ZNF207: variants seen among roughly 807,000 people sequenced by gnomAD.
The protein encoded by ZNF207 is zinc finger protein 207, also known as BUB3-interacting and GLEBS motif-containing protein ZNF207.
Under a neutral mutation model 60.2 loss-of-function variants are expected in ZNF207, and 24 were observed. The observed-to-expected ratio is 0.40, with a 90% confidence interval of 0.29 to 0.56. ZNF207 has a LOEUF of 0.56. Among genes scored for constraint, ZNF207 ranks in the 20% least tolerant of loss-of-function variants. The probability of loss-of-function intolerance (pLI) is 0.49; values close to 1 mark genes in which losing one functional copy is unlikely to be tolerated. For missense variants in ZNF207, 452 were observed against 636.6 expected, an observed-to-expected ratio of 0.71 and a Z score of 3.12; for synonymous variants, 236 against 194.7, an observed-to-expected ratio of 1.21 and a Z score of -1.77.
Position 32,360,674 on chromosome 17 carries a change from G to A in ZNF207, c.384G>A (p.Gln128=), listed in dbSNP as rs367844508. 1 of 1,613,910 alleles carries A rather than the reference G, an allele frequency of 6.2e-7. No individual in the cohort carries two copies. Among genetic ancestry groups the A allele is most frequent in the Non-Finnish European group, 8.5e-7 (1 of 1,180,002 alleles). The change falls in exon 4 of 12, where the codon CAG becomes CAA. Residue 128 remains glutamine (Q), a synonymous_variant. Transcript: ENST00000394670. The stretch of plus-strand genomic sequence containing the variant: ...ACTCTGCAGCCTCAACTTCATTTCA[G>A]CCACAGCCTGTTCAACCTCAGCAAG... ...DDDSAASTSF[Q]PQPVQPQQGY... is the part of the protein sequence containing the mutation.
Position 32,376,136 on chromosome 17 carries a change from A to C in ZNF207, c.*6377A>C, listed in dbSNP as rs554753600. On this transcript the variant is annotated 3_prime_UTR_variant, in exon 12 of 12. Transcript: ENST00000394670. ...TTAGTGCTGAGTTTTCTAAACTACT[A>C]TCTTAAGCTCTTAGGCACCCTATTA... The C allele has an allele frequency of 2.0e-5, 3 of 152,070 alleles. No homozygotes were observed. Among genetic ancestry groups the C allele is most frequent in the African/African-American group, 7.2e-5 (3 of 41,450 alleles). 9.4% of individuals were successfully genotyped at this position (152,070 alleles called of 1,614,324 possible). A position where few individuals can be genotyped will look rare whatever the true frequency, so the allele number is the denominator to read the frequency against.
rs747813729 is a variant in ZNF207 at position 32,369,631 on chromosome 17, G to A, written c.1357G>A (p.Gly453Arg). ...TGGTGGTCATCATCAAGGCATGCCA[G>A]GATACCTTCCTGGTGCTATGCCCCC... The part of the protein sequence containing the change: ...QYGGHHQGMP[G>R]YLPGAMPPYG... The change falls in exon 12 of 12, where the codon GGA becomes AGA. Residue 453 changes from glycine (G) to arginine (R), a missense_variant. Around this residue, in one of 2 missense-constraint regions of ZNF207, gnomAD observed 390 missense variants for 461.4 expected, o/e 0.85. Transcript: ENST00000394670. 1 of 1,574,510 alleles carries A rather than the reference G, an allele frequency of 6.4e-7. No individual in the cohort carries two copies. The highest frequency in any genetic ancestry group is 8.6e-7 in the Non-Finnish European group (1 of 1,160,128).
intron 6 of ZNF207, 96 bp from the exon 7 acceptor site, chr17:32,362,818 T>C: frequency 2.1e-6 from 2 of 952,416 alleles, no homozygotes; most frequent in Middle Eastern, 3.1e-4. Flanking sequence ...GATTCAAGTC[T>C]TCTATCTAGT....
At chr17:32,363,963 A>G (rs1386054565) in intron 7 of ZNF207, among the ~76,000 whole-genome samples, 2 of 151,818 alleles carry the variant, frequency 1.3e-5, no homozygotes, top group African/African-American at 4.8e-5. Context: ...TTTTCCTCAG[A>G]AATGTCATTT....
At chr17:32,367,512 A>G (rs1905258008) in intron 9 of ZNF207, among the ~76,000 whole-genome samples, 1 of 151,724 alleles carries the variant, frequency 6.6e-6, no homozygotes. Context: ...TTTGGTGAGG[A>G]GGTAGAAGAC....
chr17:32,351,204 G>A (rs1251486497), intron 1 of ZNF207: 2 of 170,224 alleles, frequency 1.2e-5, no homozygotes, highest in Non-Finnish European at 2.5e-5. Flanking sequence ...TTTTATTGAT[G>A]TAAGAATTCT....
intron 2 of ZNF207, among the ~76,000 whole-genome samples, chr17:32,356,992 G>A (rs1054327463): frequency 2.0e-5 from 3 of 152,006 alleles, no homozygotes; most frequent in South Asian, 2.1e-4. Flanking sequence ...GAGCAGCCTG[G>A]GGAACATAAC....
Position 32,380,494 on chromosome 17 carries a change from A to G in ZNF207, c.*10735A>G, listed in dbSNP as rs1383170263. ...AAATATCTTCAAGAAGGATTATTTC[A>G]GTGTCCCTTTTTAAAACTCGATGAT... On this transcript the variant is annotated 3_prime_UTR_variant, in exon 12 of 12. Transcript: ENST00000394670. The G allele has an allele frequency of 6.6e-6, 1 of 152,212 alleles. No homozygotes were observed. The highest frequency in any genetic ancestry group is 1.5e-5 in the Non-Finnish European group (1 of 68,034). The allele number at this position is 152,212 out of a possible 1,614,324, so 9.4% of individuals were successfully genotyped here.
At position 32,358,546 on chromosome 17, in the gene ZNF207, G is replaced by C; in HGVS notation, c.212G>C (p.Gly71Ala). The C allele has an allele frequency of 6.4e-7, 1 of 1,570,208 alleles. No homozygotes were observed. The highest frequency in any genetic ancestry group is 8.6e-7 in the Non-Finnish European group (1 of 1,164,906). ...TIDAVPNAIP[G>A]RTDIELEIYG... ...GATGCCGTACCAAATGCAATACCTG[G>C]AAGAACAGACATAGAGTTGGAAATA... The change falls in exon 3 of 12, where the codon GGA becomes GCA. Residue 71 changes from glycine to alanine, a missense_variant. Transcript: ENST00000394670.
At chr17:32,351,545 A>G in intron 1 of ZNF207, 1 of 1,529,082 alleles carries the variant, frequency 6.5e-7, no homozygotes, top group Non-Finnish European at 8.7e-7. Context: ...GACAAAGTAT[A>G]TTGCTGATTA....
At chr17:32,358,869 A>G (rs911590107) in intron 3 of ZNF207, among the ~76,000 whole-genome samples, 29 of 151,712 alleles carry the variant, frequency 1.9e-4, no homozygotes, top group African/African-American at 6.1e-4. Context: ...ATCTCGGCTC[A>G]TTGCACTGCA....
chr17:32,354,847 C>T (rs1255266645), intron 2 of ZNF207, among the ~76,000 whole-genome samples: 1 of 151,522 alleles, frequency 6.6e-6, no homozygotes, highest in Admixed American at 6.6e-5. Flanking sequence ...AACTCCTGAC[C>T]TCCTGATCCA....
Position 32,366,700 on chromosome 17 carries a change from A to G in ZNF207, c.864A>G (p.Ser288=). ...GTPVTSSSTA[S]SNSESLSASS... is the part of the protein sequence containing the mutation. ...CTGTCACAAGCTCAAGTACAGCTTCATCCAATTCAGAAAGTCTGTCTGCAT... is the reference window on the plus strand; with the variant it reads ...CTGTCACAAGCTCAAGTACAGCTTCGTCCAATTCAGAAAGTCTGTCTGCAT... The change falls in exon 9 of 12, where the codon TCA becomes TCG. Residue 288 remains serine (S), a synonymous_variant. Coordinates refer to ENST00000394670, the MANE Select transcript of ZNF207 (RefSeq NM_001098507.2). The G allele has an allele frequency of 3.1e-6, 5 of 1,611,724 alleles. No homozygotes were observed. The highest frequency in any genetic ancestry group is 3.4e-6 in the Non-Finnish European group (4 of 1,179,262).
rs575649261 is a variant in ZNF207, at chr17:32,373,907, C to T, written c.*4148C>T. 1 of 152,216 alleles carries T rather than the reference C, an allele frequency of 6.6e-6. No individual in the cohort carries two copies. Among genetic ancestry groups the T allele is most frequent in the Non-Finnish European group, 1.5e-5 (1 of 68,116 alleles). The allele number at this position is 152,216 out of a possible 1,614,324, so 9.4% of individuals were successfully genotyped here. A position where few individuals can be genotyped will look rare whatever the true frequency, so the allele number is the denominator to read the frequency against. ...CACTGGATACTGAAATGTGCCTTCT[C>T]TTTTTTGAGACGGAGTTTCACTCTT... On this transcript the variant is annotated 3_prime_UTR_variant, in exon 12 of 12. Transcript: ENST00000394670.
intron 7 of ZNF207, among the ~76,000 whole-genome samples, chr17:32,363,817 C>T (rs1269832769): frequency 6.6e-6 from 1 of 151,752 alleles, no homozygotes; most frequent in African/African-American, 2.4e-5. Flanking sequence ...AGGCGTGAGC[C>T]ACTGTGCCCA....
chr17:32,369,182 A>G (rs1905346982), intron 10 of ZNF207, 113 bp from the exon 11 acceptor site: 2 of 1,183,908 alleles, frequency 1.7e-6, no homozygotes, highest in African/African-American at 3.1e-5. Context: ...TTGGGATGTA[A>G]GGGTAAATTT....
At chr17:32,368,600 A>G (rs1237258731) in intron 10 of ZNF207, among the ~76,000 whole-genome samples, 1 of 151,258 alleles carries the variant, frequency 6.6e-6, no homozygotes, top group African/African-American at 2.4e-5. Flanking sequence ...CTGAGGCGGG[A>G]TCATCAGTTG....
At position 32,363,529 on chromosome 17, in the gene ZNF207, CTTTTTTTTTTTTT is replaced by C. The variant is rs746944466; in HGVS notation, c.670+561_670+573del. The stretch of plus-strand genomic sequence containing the variant: ...ACAAGTAATAGAGAAATCCAACAAA[CTTTTTTTTTTTTT>C]TTTTTTTTTTTTTTTGAGATGGAAT... On this transcript the variant is annotated intron_variant, in intron 7 of 11. Coordinates refer to ENST00000394670, the MANE Select transcript of ZNF207 (RefSeq NM_001098507.2). Among the ~76,000 whole-genome samples the C allele has an allele frequency of 1.1e-3, 76 of 69,616 alleles. 2 individuals carry two copies. Among genetic ancestry groups the C allele is most frequent in the Non-Finnish European group, 7.3e-4 (26 of 35,844 alleles). 45.7% of individuals were successfully genotyped at this position (69,616 alleles called of 152,430 possible). A position where few individuals can be genotyped will look rare whatever the true frequency, so the allele number is the denominator to read the frequency against.
In ZNF207 at chr17:32,378,675, G is replaced by A. The variant is rs1335246827; in HGVS notation, c.*8916G>A. ...GGCAGTGGGGACATAATGGGTTGTG[G>A]AAAATGTGTTTTAACATTTTTATTT... On this transcript the variant is annotated 3_prime_UTR_variant, in exon 12 of 12. Coordinates refer to ENST00000394670, the MANE Select transcript of ZNF207 (RefSeq NM_001098507.2). 6.6e-6 allele frequency: 1 copy of A among 151,974 alleles called. No individual in the cohort carries two copies. The highest frequency in any genetic ancestry group is 2.4e-5 in the African/African-American group (1 of 41,416). 9.4% of individuals were successfully genotyped at this position (151,974 alleles called of 1,614,324 possible).
Sources: allele counts gnomAD v4.1 joint callset (sites outside exome capture counted in the v4.1 genomes callset), GRCh38; gene constraint gnomAD v4.1.1; regional missense constraint gnomAD v4.1.1; transcripts MANE v1.5; gene names NCBI Gene and HGNC (gene_info 2026-07-23, HGNC 2026-07-21).